MAST2: variants seen among roughly 807,000 people sequenced by gnomAD.
MAST2 encodes the protein microtubule associated serine/threonine kinase 2, also known as microtubule-associated serine/threonine-protein kinase 2.
Under a neutral mutation model 147.4 loss-of-function variants are expected in MAST2, and 70 were observed. The observed-to-expected ratio is 0.47, with a 90% confidence interval of 0.39 to 0.58. The LOEUF is 0.58. MAST2 is among the 20% of genes least tolerant of loss of function. The pLI is 0.00. For synonymous variants in MAST2, 869 were observed against 896.8 expected (o/e 0.97, Z 0.55); for missense variants, 2,080 against 2,302.3 (o/e 0.90, Z 1.98).
At chr1:45,883,912 G>GCCTC (rs59944185) in intron 4 of MAST2, among the ~76,000 whole-genome samples, 49 of 2,506 alleles carry the variant, frequency 0.02, 21 homozygotes, top group South Asian at 0.17. Context: ...TACTATTTCT[G>GCCTC]CCCCCCCCGC....
intron 3 of MAST2, among the ~76,000 whole-genome samples, chr1:45,874,539 A>G (rs1228874949): frequency 6.6e-6 from 1 of 152,248 alleles, no homozygotes. Context: ...TGCAATTGAT[A>G]GTTTTCATCA....
At chr1:45,851,327 C>T (rs184470178) in intron 3 of MAST2, among the ~76,000 whole-genome samples, 194 of 152,238 alleles carry the variant, frequency 1.3e-3, no homozygotes, top group South Asian at 4.8e-3. Flanking sequence ...GCTTTTGTAT[C>T]TTAAAACTGG....
At chr1:45,871,631 A>G (rs1570463012) in intron 3 of MAST2, among the ~76,000 whole-genome samples, 1 of 152,318 alleles carries the variant, frequency 6.6e-6, no homozygotes, top group South Asian at 2.1e-4. Context: ...ATTTTTAAGA[A>G]TGAGATGTTA....
In MAST2 at chr1:45,935,433, A is replaced by G. The variant is rs143958933; in HGVS notation, c.501-23953A>G. ...ATTTGTCAATTTTTGTTTCTGTTGCAATTGCTTTTGGTGTCTTCATCATGA... is the reference window on the plus strand; with the variant it reads ...ATTTGTCAATTTTTGTTTCTGTTGCGATTGCTTTTGGTGTCTTCATCATGA... On this transcript the variant is annotated intron_variant, in intron 4 of 28. Transcript: ENST00000361297. Among the ~76,000 whole-genome samples, 1,218 of 152,056 alleles carry G rather than the reference A, an allele frequency of 8.0e-3. 15 individuals carry two copies. The highest frequency in any genetic ancestry group is 0.028 in the African/African-American group (1,173 of 41,472).
chr1:45,979,121 A>G (rs1644295017), intron 5 of MAST2, among the ~76,000 whole-genome samples: 2 of 152,184 alleles, frequency 1.3e-5, no homozygotes, highest in African/African-American at 2.4e-5. Flanking sequence ...TTGACTTTAG[A>G]TGGGGTAAAG....
At chr1:45,866,460 G>A (rs568998708) in intron 3 of MAST2, among the ~76,000 whole-genome samples, 1 of 152,302 alleles carries the variant, frequency 6.6e-6, no homozygotes, top group East Asian at 1.9e-4. Context: ...AGCCCATTTA[G>A]TTGCACTGCT....
At position 46,022,780 on chromosome 1, in the gene MAST2, G is replaced by C. The variant is rs1442760156; in HGVS notation, c.1424-130G>C. ...ACATTGGGTATAGTGCCATGGGACT[G>C]AATTCACATCCTAGGCTGATGCAAA... On this transcript the variant is annotated intron_variant, in intron 12 of 28. Transcript: ENST00000361297. 5 of 728,230 alleles carry C rather than the reference G, an allele frequency of 6.9e-6. No individual in the cohort carries two copies. In the African/African-American group the frequency reaches 6.9e-5, roughly 10 times the overall value. 45.1% of individuals were successfully genotyped at this position (728,230 alleles called of 1,614,324 possible).
At chr1:45,866,442 G>T (rs1474849163) in intron 3 of MAST2, among the ~76,000 whole-genome samples, 1 of 152,104 alleles carries the variant, frequency 6.6e-6, no homozygotes, top group Non-Finnish European at 1.5e-5. Flanking sequence ...AAAATGGCTG[G>T]CTCTGTAAGC....
At chr1:46,016,962 G>C (rs2149266458) in intron 10 of MAST2, among the ~76,000 whole-genome samples, 1 of 151,788 alleles carries the variant, frequency 6.6e-6, no homozygotes, top group East Asian at 1.9e-4. Flanking sequence ...GCATGGTACT[G>C]GTACCAAAAC....
At chr1:45,970,187 A>C (rs1265070655) in intron 5 of MAST2, among the ~76,000 whole-genome samples, 1 of 152,204 alleles carries the variant, frequency 6.6e-6, no homozygotes, top group Non-Finnish European at 1.5e-5. Flanking sequence ...TTCAGTAATC[A>C]CTGTGAGGAT....
At chr1:45,968,973 C>T (rs903988166) in intron 5 of MAST2, among the ~76,000 whole-genome samples, 4 of 150,992 alleles carry the variant, frequency 2.6e-5, no homozygotes, top group African/African-American at 9.7e-5. Context: ...CAGCAGTGTT[C>T]AGTCTATTAA....
chr1:45,957,236 A>T (rs1030582116), intron 4 of MAST2, among the ~76,000 whole-genome samples: 3 of 152,212 alleles, frequency 2.0e-5, no homozygotes, highest in African/African-American at 7.2e-5. Flanking sequence ...GTGTGAATCA[A>T]TTATTCATTC....
intron 4 of MAST2, among the ~76,000 whole-genome samples, chr1:45,893,949 A>G (rs1648290369): frequency 6.6e-6 from 1 of 152,164 alleles, no homozygotes; most frequent in African/African-American, 2.4e-5. Flanking sequence ...TTTGGTATTA[A>G]AAATACACTG....
At chr1:46,004,085 C>A (rs1452623911) in intron 7 of MAST2, among the ~76,000 whole-genome samples, 1 of 152,124 alleles carries the variant, frequency 6.6e-6, no homozygotes, top group Admixed American at 6.6e-5. Flanking sequence ...CCTTCCCGGG[C>A]CAGGCGCAGT....
intron 4 of MAST2, among the ~76,000 whole-genome samples, chr1:45,883,884 TG>T (rs2148319262): frequency 7.1e-6 from 1 of 140,646 alleles, no homozygotes; most frequent in South Asian, 2.5e-4. Context: ...AGGAAATATT[TG>T]TACTTGGTCA....
intron 4 of MAST2, among the ~76,000 whole-genome samples, chr1:45,885,288 A>T (rs1466009700): frequency 6.6e-6 from 1 of 152,168 alleles, no homozygotes; most frequent in Non-Finnish European, 1.5e-5. Context: ...CAGGTTATAA[A>T]GGCCCGTTTC....
intron 11 of MAST2, among the ~76,000 whole-genome samples, 185 bp from the exon 12 acceptor site, chr1:46,021,765 T>C (rs1646192279): frequency 6.6e-6 from 1 of 152,252 alleles, no homozygotes; most frequent in South Asian, 2.1e-4. Flanking sequence ...AGGTGACCTG[T>C]AAGACATCTT....
rs1571317751 is a variant in MAST2 at position 46,035,692 on chromosome 1, A to G, written c.5023A>G (p.Thr1675Ala). Residue 1675 changes from threonine (T) to alanine (A), a missense_variant, in exon 29 of 29, where the codon ACC becomes GCC. Transcript: ENST00000361297. The surrounding 1 kb of genome is among the most constrained non-coding windows in gnomAD (Gnocchi z 5.5). ...PDRASPSRKA[T>A]MAGGLANLQD... ...CAGGGCATCCCCAAGCAGAAAGGCAACCATGGCAGGTGGGCTAGCCAACCT... is the reference window on the plus strand; with the variant it reads ...CAGGGCATCCCCAAGCAGAAAGGCAGCCATGGCAGGTGGGCTAGCCAACCT... 6.2e-7 allele frequency: 1 copy of G among 1,613,946 alleles called. No homozygotes were observed. The highest frequency in any genetic ancestry group is 1.1e-5 in the South Asian group (1 of 91,068).
chr1:45,816,781 G>A (rs772064205), intron 1 of MAST2, among the ~76,000 whole-genome samples: 2 of 152,156 alleles, frequency 1.3e-5, no homozygotes, highest in African/African-American at 2.4e-5. Context: ...AGGTTCAAGC[G>A]ATTCTCCTGG....
Sources: allele counts gnomAD v4.1 joint callset (sites outside exome capture counted in the v4.1 genomes callset), GRCh38; gene constraint gnomAD v4.1.1; non-coding constraint Gnocchi (gnomAD v3.1); transcripts MANE v1.5; gene names NCBI Gene and HGNC (gene_info 2026-07-23, HGNC 2026-07-21).